HYDIN: variants seen among roughly 807,000 people sequenced by gnomAD.
HYDIN encodes the protein axonemal central pair apparatus protein HYDIN.
In HYDIN, 132 loss-of-function variants were observed where a neutral mutation model predicts 403.9. The ratio of observed to expected loss-of-function variants is 0.33; its 90% confidence interval spans 0.28 to 0.38. HYDIN has a LOEUF of 0.38. HYDIN is among the 10% of genes least tolerant of loss of function. The probability of loss-of-function intolerance (pLI) is 1.00; values close to 1 mark genes in which losing one functional copy is unlikely to be tolerated. For synonymous variants in HYDIN, 1,202 were observed against 1,891.7 expected, an observed-to-expected ratio of 0.64 and a Z score of 9.46; for missense variants, 2,827 against 5,009.5, an observed-to-expected ratio of 0.56 and a Z score of 13.15.
chr16:71,049,998 T>C (rs530912946), intron 18 of HYDIN, among the ~76,000 whole-genome samples: 11 of 148,670 alleles, frequency 7.4e-5, no homozygotes, highest in Non-Finnish European at 1.3e-4. Context: ...ATATATATAA[T>C]ATATATATAA....
chr16:71,110,345 T>C (rs1295385503), intron 10 of HYDIN, among the ~76,000 whole-genome samples: 1 of 142,380 alleles, frequency 7.0e-6, no homozygotes, highest in Non-Finnish European at 1.5e-5. Context: ...TATATATTTA[T>C]AGATATTTTA....
At chr16:71,216,882 T>G (rs1598053031) in intron 1 of HYDIN, among the ~76,000 whole-genome samples, 1 of 152,298 alleles carries the variant, frequency 6.6e-6, no homozygotes, top group Admixed American at 6.5e-5. Flanking sequence ...CATGGGTGGT[T>G]AAGGCATTTG....
At chr16:71,174,478 A>G (rs1000396026) in intron 5 of HYDIN, among the ~76,000 whole-genome samples, 3 of 152,192 alleles carry the variant, frequency 2.0e-5, no homozygotes, top group African/African-American at 7.2e-5. Flanking sequence ...TTAACATGAT[A>G]CACAGCCTGC....
chr16:71,068,357 C>A (rs555188205), intron 14 of HYDIN, among the ~76,000 whole-genome samples: 2 of 151,504 alleles, frequency 1.3e-5, no homozygotes, highest in Non-Finnish European at 2.9e-5. Flanking sequence ...ACAGACCTGG[C>A]TGAAGTGCAG....
intron 66 of HYDIN, among the ~76,000 whole-genome samples, chr16:70,867,000 G>A (rs527529830): frequency 8.7e-4 from 126 of 145,466 alleles, no homozygotes; most frequent in African/African-American, 3.2e-3. Context: ...ATTCTGGCCT[G>A]GGCGAAAGAG....
chr16:71,092,373 G>C (rs1251065868), intron 11 of HYDIN, among the ~76,000 whole-genome samples: 1 of 152,192 alleles, frequency 6.6e-6, no homozygotes, highest in Admixed American at 6.5e-5. Flanking sequence ...CTGCTCACTA[G>C]AAACCTTTGT....
intron 45 of HYDIN, among the ~76,000 whole-genome samples, chr16:70,922,785 CTT>C (rs77860153): frequency 0.013 from 1,407 of 108,402 alleles, no homozygotes; most frequent in Middle Eastern, 0.03. Context: ...CTTTTATAAC[CTT>C]TTTTTTTTTT....
intron 53 of HYDIN, among the ~76,000 whole-genome samples, chr16:70,900,349 T>C (rs2076333075): frequency 6.6e-6 from 1 of 151,478 alleles, no homozygotes; most frequent in African/African-American, 2.4e-5. Flanking sequence ...TAGTGGCGCG[T>C]GCCTGTAGTC....
chr16:71,188,520 CAAA>C (rs552276605), intron 1 of HYDIN, among the ~76,000 whole-genome samples: 1 of 152,036 alleles, frequency 6.6e-6, no homozygotes, highest in South Asian at 2.1e-4. Flanking sequence ...ATTAACAACA[CAAA>C]GAAGAATATT....
chr16:71,066,604 A>G (rs2082276814), intron 15 of HYDIN: 1 of 240,412 alleles, frequency 4.2e-6, no homozygotes, highest in Non-Finnish European at 8.4e-6. Flanking sequence ...GTGTGGCCCC[A>G]GGATTTTATT....
At position 70,943,926 on chromosome 16, in the gene HYDIN, CG is replaced by C. The variant is rs145680422; in HGVS notation, c.6554del (p.Pro2185ArgfsTer20). ...TPQISSSPLP[P>X]GPIHRWLSVS... ...CACTGAGCCAGCGGTGGATGGGCCCCGGGGGGAGAGGGCTGGAGGAAATCTG... is the reference window on the plus strand; with the variant it reads ...CACTGAGCCAGCGGTGGATGGGCCCCGGGGGAGAGGGCTGGAGGAAATCTG... On this transcript the variant is annotated frameshift_variant, in exon 42 of 86. Coordinates refer to ENST00000393567, the MANE Select transcript of HYDIN (RefSeq NM_001270974.2). LOFTEE classifies it high-confidence loss of function. 6.2e-7 allele frequency: 1 copy of C among 1,611,528 alleles called. No homozygotes were observed. Among genetic ancestry groups the C allele is most frequent in the Non-Finnish European group, 8.5e-7 (1 of 1,179,090 alleles).
chr16:70,927,581 G>T (rs1373262633), intron 45 of HYDIN, among the ~76,000 whole-genome samples: 1 of 139,418 alleles, frequency 7.2e-6, no homozygotes, highest in African/African-American at 2.5e-5. Flanking sequence ...AGCAGTCAAA[G>T]TGCTGGGCAG....
intron 18 of HYDIN, among the ~76,000 whole-genome samples, chr16:71,035,959 G>A (rs1284233068): frequency 6.6e-6 from 1 of 150,464 alleles, no homozygotes; most frequent in Non-Finnish European, 1.5e-5. Flanking sequence ...CCAGAACTGA[G>A]TCAATGCAGC....
chr16:71,043,641 T>G (rs543166871), intron 18 of HYDIN, among the ~76,000 whole-genome samples: 21 of 152,170 alleles, frequency 1.4e-4, no homozygotes, highest in Non-Finnish European at 1.9e-4. Context: ...CATCTTTACT[T>G]TCCTGAGATT....
intron 45 of HYDIN, among the ~76,000 whole-genome samples, chr16:70,929,387 T>TAACA (rs2077247412): frequency 7.0e-6 from 1 of 143,472 alleles, no homozygotes; most frequent in Non-Finnish European, 1.5e-5. Flanking sequence ...TTTTAAGAGA[T>TAACA]AACAGGCTTT....
chr16:70,835,110 C>T (rs1236723901), intron 78 of HYDIN, among the ~76,000 whole-genome samples: 2 of 150,734 alleles, frequency 1.3e-5, no homozygotes, highest in East Asian at 4.0e-4. Context: ...CAATTCTCTG[C>T]CTCAGCCTCC....
chr16:71,000,736 C>T (rs975861505), intron 23 of HYDIN, among the ~76,000 whole-genome samples: 9 of 151,532 alleles, frequency 5.9e-5, no homozygotes, highest in East Asian at 2.0e-4. Context: ...TTTGACCCCC[C>T]GGTCAGATAA....
At chr16:71,056,685 G>T (rs2081908613) in intron 18 of HYDIN, among the ~76,000 whole-genome samples, 1 of 152,274 alleles carries the variant, frequency 6.6e-6, no homozygotes, top group Non-Finnish European at 1.5e-5. Context: ...ACAGAGAATG[G>T]CCCCTCCTGT....
chr16:71,066,570 T>G, intron 15 of HYDIN: 1 of 212,214 alleles, frequency 4.7e-6, no homozygotes, highest in Non-Finnish European at 9.7e-6. Context: ...GTCCCAGATC[T>G]GGACACTGAT....
Sources: allele counts gnomAD v4.1 joint callset (sites outside exome capture counted in the v4.1 genomes callset), GRCh38; gene constraint gnomAD v4.1.1; transcripts MANE v1.5; gene names NCBI Gene and HGNC (gene_info 2026-07-23, HGNC 2026-07-21).